Variants in MAPK10 observed in about 807,000 individuals in gnomAD.
MAPK10 encodes the protein JNK3 alpha protein kinase.
MAPK10 carries 25 observed loss-of-function variants against 59.3 expected under a neutral mutation model. The observed-to-expected ratio is 0.42, with a 90% CI of 0.31 to 0.59. The LOEUF is 0.59. Among genes scored for constraint, MAPK10 ranks in the 20% least tolerant of loss-of-function variants. MAPK10 has a pLI of 0.15. For missense variants in MAPK10, 351 were observed against 568.9 expected (o/e 0.62, Z 3.90); for synonymous variants, 190 against 200.5 (o/e 0.95, Z 0.44).
At chr4:86,344,033 C>T (rs1447781841) in intron 2 of MAPK10, among the ~76,000 whole-genome samples, 1 of 152,116 alleles carries the variant, frequency 6.6e-6, no homozygotes, top group African/African-American at 2.4e-5. Context: ...TTCTCATTAC[C>T]TTTCAAGAAT....
At chr4:86,074,665 C>T (rs1355384869) in intron 9 of MAPK10, among the ~76,000 whole-genome samples, 2 of 143,720 alleles carry the variant, frequency 1.4e-5, no homozygotes, top group East Asian at 3.9e-4. Context: ...CTCAGTTTGG[C>T]CTGATATGAA....
intron 1 of MAPK10, among the ~76,000 whole-genome samples, chr4:86,367,270 G>GT (rs1253685455): frequency 2.0e-5 from 3 of 152,118 alleles, no homozygotes; most frequent in Admixed American, 1.3e-4. Context: ...TGAGGGGATG[G>GT]TGGAGGGTCC....
At chr4:86,116,162 C>T (rs527618003) in intron 4 of MAPK10, among the ~76,000 whole-genome samples, 1 of 152,118 alleles carries the variant, frequency 6.6e-6, no homozygotes, top group Non-Finnish European at 1.5e-5. Flanking sequence ...GTCATGAAGG[C>T]ATATAAGGGA....
At chr4:86,342,341 C>T (rs965212559) in intron 2 of MAPK10, among the ~76,000 whole-genome samples, 1 of 152,180 alleles carries the variant, frequency 6.6e-6, no homozygotes, top group Non-Finnish European at 1.5e-5. Context: ...CTGGCTTCAT[C>T]TTGCCTTTTT....
chr4:86,374,659 G>A (rs568535300), intron 1 of MAPK10, among the ~76,000 whole-genome samples: 1 of 152,312 alleles, frequency 6.6e-6, no homozygotes, highest in African/African-American at 2.4e-5. Flanking sequence ...CTGAGAAACA[G>A]CAGCTAATAG....
intron 2 of MAPK10, among the ~76,000 whole-genome samples, chr4:86,232,127 A>G (rs2148665654): frequency 1.3e-5 from 2 of 152,324 alleles, no homozygotes; most frequent in Middle Eastern, 6.8e-3. Context: ...ACAGCAAGAG[A>G]CAATACATAA....
rs1009043253 is a variant in MAPK10, at chr4:86,167,452, C to T, written c.67-7985G>A. Among the ~76,000 whole-genome samples, 62 of 152,264 alleles carry T rather than the reference C, an allele frequency of 4.1e-4. 1 individual carries two copies. Among genetic ancestry groups the T allele is most frequent in the African/African-American group, 1.4e-3 (58 of 41,552 alleles). Reference sequence around the variant, plus strand: ...TAAGGCCAATATTCCTGATGAACATCGATTCAAAGATACTCAATAAAGTAC... The same window carrying T: ...TAAGGCCAATATTCCTGATGAACATTGATTCAAAGATACTCAATAAAGTAC... On this transcript the variant is annotated intron_variant, in intron 3 of 13. Transcript: ENST00000641462.
At chr4:86,366,456 T>C (rs185966289) in intron 1 of MAPK10, among the ~76,000 whole-genome samples, 1 of 152,224 alleles carries the variant, frequency 6.6e-6, no homozygotes, top group Non-Finnish European at 1.5e-5. Context: ...AAGAGGAAAA[T>C]TGCTGAATGA....
chr4:86,375,713 T>TAAAAAAAAAAAAAAAAAAA (rs56189009), intron 1 of MAPK10, among the ~76,000 whole-genome samples: 5 of 33,324 alleles, frequency 1.5e-4, no homozygotes, highest in South Asian at 2.3e-3. Flanking sequence ...AGGTCCACTC[T>TAAAAAAAAAAAAAAAAAAA]AAAAAAAAAA....
chr4:86,320,275 G>C (rs1226285782), intron 2 of MAPK10, among the ~76,000 whole-genome samples: 2 of 152,144 alleles, frequency 1.3e-5, no homozygotes, highest in African/African-American at 4.8e-5. Flanking sequence ...GAAATTATGA[G>C]ATCAAAGAGA....
chr4:86,378,907 C>T (rs1264666918), intron 1 of MAPK10, among the ~76,000 whole-genome samples: 1 of 152,150 alleles, frequency 6.6e-6, no homozygotes, highest in African/African-American at 2.4e-5. Context: ...ACAGTTCTAC[C>T]TGAGGGTGAG....
chr4:86,093,922 G>A (rs2053718729), intron 9 of MAPK10, among the ~76,000 whole-genome samples: 1 of 151,688 alleles, frequency 6.6e-6, no homozygotes, highest in African/African-American at 2.4e-5. Context: ...TTTGCTTATA[G>A]ATTTGAAAGA....
At chr4:86,117,608 G>A (rs952843768) in intron 4 of MAPK10, 2 of 152,202 alleles carry the variant, frequency 1.3e-5, no homozygotes, top group African/African-American at 2.4e-5. Flanking sequence ...ATTCCCAGAA[G>A]CTTTTGCAGC....
chr4:86,168,217 A>G lies in MAPK10; in HGVS notation c.67-8750T>C, dbSNP rs143983214. 2.5e-4 allele frequency among the ~76,000 whole-genome samples: 38 copies of G among 152,348 alleles called. No homozygotes were observed. In the East Asian group the frequency reaches 6.4e-3, roughly 26 times the overall value. Reference sequence around the variant, plus strand: ...GAGTGCCAGACAGTGGGTGCAGGACAGTGGGTGCAACGCACCGTGCACCAG... The same window carrying G: ...GAGTGCCAGACAGTGGGTGCAGGACGGTGGGTGCAACGCACCGTGCACCAG... On this transcript the variant is annotated intron_variant, in intron 3 of 13. Transcript: ENST00000641462.
At chr4:86,216,049 A>G (rs2087463540) in intron 2 of MAPK10, among the ~76,000 whole-genome samples, 2 of 152,108 alleles carry the variant, frequency 1.3e-5, no homozygotes, top group Admixed American at 6.5e-5. Flanking sequence ...CACCCTGGAA[A>G]ACAGCACAGC....
chr4:86,210,760 C>T (rs555599325), intron 2 of MAPK10, among the ~76,000 whole-genome samples: 1 of 151,410 alleles, frequency 6.6e-6, no homozygotes, highest in South Asian at 2.1e-4. Flanking sequence ...CTGAGAAAGG[C>T]CAGATGGCAA....
chr4:86,564,052 G>C (rs1277269096), intron 1 of MAPK10, among the ~76,000 whole-genome samples: 1 of 152,032 alleles, frequency 6.6e-6, no homozygotes, highest in South Asian at 2.1e-4. Flanking sequence ...GGCTGGTCTC[G>C]AACTCCTGAC....
At chr4:86,041,500 G>A (rs1278605417) in intron 11 of MAPK10, among the ~76,000 whole-genome samples, 1 of 152,110 alleles carries the variant, frequency 6.6e-6, no homozygotes, top group African/African-American at 2.4e-5. Context: ...TTAAACTAAA[G>A]AGCTTCTGCA....
chr4:86,444,040 A>G (rs1322648011), intron 1 of MAPK10, among the ~76,000 whole-genome samples: 2 of 152,052 alleles, frequency 1.3e-5, no homozygotes, highest in African/African-American at 2.4e-5. Flanking sequence ...AAAAAAAAAA[A>G]GACTGAAAAA....
Sources: gnomAD v4.1 joint callset for allele counts (sites outside exome capture counted in the v4.1 genomes callset) on GRCh38, gnomAD v4.1.1 for gene constraint, MANE v1.5 for transcripts, NCBI Gene and HGNC (gene_info 2026-07-23, HGNC 2026-07-21) for gene names.